FADS2: variants seen among roughly 807,000 people sequenced by gnomAD.
The protein encoded by FADS2 is acyl-CoA 6-desaturase.
FADS2 carries 18 observed loss-of-function variants against 61.2 expected under a neutral mutation model. The ratio of observed to expected loss-of-function variants is 0.29; its 90% CI spans 0.20 to 0.44. The LOEUF (loss-of-function observed/expected upper bound fraction) is 0.44. FADS2 is among the 20% of genes least tolerant of loss of function. The pLI is 1.00. For missense variants in FADS2, 322 were observed against 572.7 expected (o/e 0.56, Z 4.47); for synonymous variants, 203 against 223.9 (o/e 0.91, Z 0.83).
At chr11:61,817,020 C>T in intron 1 of FADS2, 2 of 1,317,290 alleles carry the variant, frequency 1.5e-6, no homozygotes, top group South Asian at 3.9e-5. Context: ...CGCCCCCTCG[C>T]GGGCTCCCTA....
intron 4 of FADS2, among the ~76,000 whole-genome samples, chr11:61,845,187 C>G (rs959378864): frequency 6.6e-6 from 1 of 151,922 alleles, no homozygotes; most frequent in Admixed American, 6.6e-5. Context: ...AGGCTCTTGC[C>G]TCTGTCAGGA....
intron 4 of FADS2, among the ~76,000 whole-genome samples, chr11:61,841,961 C>T (rs1331839026): frequency 6.6e-6 from 1 of 152,210 alleles, no homozygotes; most frequent in Non-Finnish European, 1.5e-5. Context: ...TTGCCAACTG[C>T]CTTGTTCTGA....
At chr11:61,842,433 C>G (rs1333852895) in intron 4 of FADS2, among the ~76,000 whole-genome samples, 1 of 152,260 alleles carries the variant, frequency 6.6e-6, no homozygotes, top group Non-Finnish European at 1.5e-5. Flanking sequence ...TGTTAGCCCC[C>G]ACACACTTAA....
intron 7 of FADS2, chr11:61,862,688 C>T (rs1406035311): frequency 6.9e-6 from 3 of 436,552 alleles, no homozygotes; most frequent in Non-Finnish European, 1.3e-5. Context: ...TGCTGACCCC[C>T]ACCCCTACCC....
chr11:61,846,161 T>C (rs1200303865), intron 4 of FADS2, among the ~76,000 whole-genome samples: 1 of 150,512 alleles, frequency 6.6e-6, no homozygotes, highest in Non-Finnish European at 1.5e-5. Flanking sequence ...AGACAGACTC[T>C]TGCTCTGTTG....
chr11:61,816,301 G>A lies in FADS2; in HGVS notation c.16G>A (p.Ala6Thr), dbSNP rs551984536. ...TGCAGATGGAATGCACGGCAGGGAG[G>A]CGGGACCCTTTGTTTGTGTGTGCGT... Residue 6 changes from alanine (A) to threonine (T), a missense_variant, in exon 1 of 12, where the codon GCG becomes ACG. Transcript: ENST00000257261. This position sits in a 1 kb window ranked among gnomAD's most constrained non-coding sequence, Gnocchi z 7.0. 7 of 1,598,392 alleles carry A rather than the reference G, an allele frequency of 4.4e-6. No homozygotes were observed. The highest frequency in any genetic ancestry group is 8.5e-7 in the Non-Finnish European group (1 of 1,179,788).
chr11:61,848,384 G>A, intron 5 of FADS2, 100 bp downstream of exon 5: 1 of 1,569,242 alleles, frequency 6.4e-7, no homozygotes, highest in Non-Finnish European at 8.7e-7. Context: ...CCTAGGAAGT[G>A]TTTGGCCTGG....
intron 1 of FADS2, among the ~76,000 whole-genome samples, chr11:61,836,824 A>T (rs1343393931): frequency 6.6e-6 from 1 of 152,180 alleles, no homozygotes; most frequent in African/African-American, 2.4e-5. Flanking sequence ...CAATCCTACC[A>T]ATGTCTGGAA....
intron 1 of FADS2, among the ~76,000 whole-genome samples, chr11:61,834,990 C>G (rs1238809792): frequency 5.6e-5 from 4 of 71,082 alleles, no homozygotes; most frequent in Admixed American, 4.9e-4. Context: ...TGCCCCCCCA[C>G]CCCAGCCCTC....
intron 5 of FADS2, chr11:61,856,183 C>T (rs2067357258): frequency 1.3e-5 from 2 of 152,256 alleles, no homozygotes; most frequent in Non-Finnish European, 2.9e-5. Flanking sequence ...GGGGCTGGAC[C>T]ATGGAATTAA....
At chr11:61,856,817 C>G in intron 5 of FADS2, 194 bp from the exon 6 acceptor site, 1 of 599,428 alleles carries the variant, frequency 1.7e-6, no homozygotes, top group Non-Finnish European at 3.0e-6. Flanking sequence ...TTGGCCGCTG[C>G]TGGCTGTAGC....
At chr11:61,851,945 T>A (rs2067310539) in intron 5 of FADS2, among the ~76,000 whole-genome samples, 1 of 152,234 alleles carries the variant, frequency 6.6e-6, no homozygotes, top group Non-Finnish European at 1.5e-5. Flanking sequence ...TCATACATAT[T>A]ATTTTCAGTT....
rs553063689 is a variant in FADS2 at position 61,865,366 on chromosome 11, A to G, written c.1283+89A>G. On this transcript the variant is annotated intron_variant, in intron 11 of 11. Coordinates refer to ENST00000278840, the MANE Select transcript of FADS2 (RefSeq NM_004265.4). The surrounding 1 kb of genome is among the most constrained non-coding windows in gnomAD (Gnocchi z 4.1). ...ACAAGAGGGGCTGGGCCCTCCTGGCACAGTCACCCACCAGGGCACCTGCCT... is the reference window on the plus strand; with the variant it reads ...ACAAGAGGGGCTGGGCCCTCCTGGCGCAGTCACCCACCAGGGCACCTGCCT... 1.6e-3 allele frequency: 2,392 copies of G among 1,486,602 alleles called. 9 individuals carry two copies. The highest frequency in any genetic ancestry group is 2.0e-3 in the Non-Finnish European group (2,236 of 1,099,036). 92.1% of individuals were successfully genotyped at this position (1,486,602 alleles called of 1,614,324 possible).
intron 7 of FADS2, among the ~76,000 whole-genome samples, chr11:61,861,371 A>AAAAAAAAAAAAAAAAAAAAAAAAAC (rs1555078396): frequency 2.8e-5 from 3 of 106,458 alleles, no homozygotes; most frequent in Non-Finnish European, 6.5e-5. Context: ...AAAAAAAAAA[A>AAAAAAAAAAAAAAAAAAAAAAAAAC]CAGAAATTAG....
intron 5 of FADS2, among the ~76,000 whole-genome samples, chr11:61,853,923 A>G (rs891732193): frequency 3.9e-5 from 6 of 152,078 alleles, no homozygotes; most frequent in Non-Finnish European, 5.9e-5. Context: ...TCCCCTCCAC[A>G]TGGCCCGGCA....
chr11:61,828,221 G>T (rs1266731318), upstream of FADS2: 6 of 1,432,038 alleles, frequency 4.2e-6, no homozygotes, highest in Admixed American at 2.9e-5. The surrounding 1 kb of genome is among the most constrained non-coding windows in gnomAD (Gnocchi z 6.4). Flanking sequence ...ACTCCCGAGC[G>T]CAGGCGAGAA....
chr11:61,840,257 GAA>G lies in FADS2; in HGVS notation c.319-75_319-74del. The G allele has an allele frequency of 5.5e-6, 7 of 1,266,428 alleles. No individual in the cohort carries two copies. The East Asian group carries it at 1.6e-4, about 29-fold the overall frequency. 78.4% of individuals were successfully genotyped at this position (1,266,428 alleles called of 1,614,324 possible). A position where few individuals can be genotyped will look rare whatever the true frequency, so the allele number is the denominator to read the frequency against. The stretch of plus-strand genomic sequence containing the variant: ...TTCTCTGGGTTGTGCATTGGCTGTT[GAA>G]ATGGCAGCTCGAGACATATGTTCCC... On this transcript the variant is annotated intron_variant, in intron 2 of 11. Transcript: ENST00000278840.
rs896208717 is a variant in FADS2, at chr11:61,857,595, G to T, written c.882+65G>T. On this transcript the variant is annotated intron_variant, in intron 7 of 11. Transcript: ENST00000278840. ...GTGACTGGGACAGGGGGACCCGGGG[G>T]TCCTACGCTGCCTCCTCGTGTGCCC... 1.6e-5 allele frequency: 23 copies of T among 1,395,820 alleles called. No homozygotes were observed. The Admixed American group carries it at 2.9e-4, about 17-fold the overall frequency. The allele number at this position is 1,395,820 out of a possible 1,614,324, so 86.5% of individuals were successfully genotyped here. A position where few individuals can be genotyped will look rare whatever the true frequency, so the allele number is the denominator to read the frequency against.
At chr11:61,856,959 G>A (rs2067364536) in intron 5 of FADS2, 52 bp from the exon 6 acceptor site, 1 of 1,441,778 alleles carries the variant, frequency 6.9e-7, no homozygotes, top group Non-Finnish European at 9.8e-7. Flanking sequence ...GGGAACATGG[G>A]AGGCTGGGAG....
Sources: gnomAD v4.1 joint callset for allele counts (sites outside exome capture counted in the v4.1 genomes callset) on GRCh38, gnomAD v4.1.1 for gene constraint, Gnocchi (gnomAD v3.1) non-coding constraint, MANE v1.5 for transcripts, NCBI Gene and HGNC (gene_info 2026-07-23, HGNC 2026-07-21) for gene names.